ALOX12: variants seen among roughly 807,000 people sequenced by gnomAD.
The protein encoded by ALOX12 is arachidonate 12-lipoxygenase, 12S type, also known as polyunsaturated fatty acid lipoxygenase ALOX12.
A neutral mutation model predicts 85.5 loss-of-function variants in ALOX12; 62 were observed. The observed-to-expected ratio is 0.73, with a 90% confidence interval of 0.59 to 0.90. The LOEUF is 0.90. Ranked by LOEUF, ALOX12 falls within the 40% of genes least tolerant of loss-of-function variation. The probability of loss-of-function intolerance (pLI) is 0.00; values close to 1 mark genes in which losing one functional copy is unlikely to be tolerated. For missense variants in ALOX12, 751 were observed against 856.5 expected (o/e 0.88, Z 1.54); for synonymous variants, 299 against 332.7 (o/e 0.90, Z 1.10).
chr17:7,010,125 T>A lies in ALOX12; in HGVS notation c.1811T>A (p.Met604Lys). 6.2e-7 allele frequency: 1 copy of A among 1,610,068 alleles called. No individual in the cohort carries two copies. Among genetic ancestry groups the A allele is most frequent in the Admixed American group, 1.7e-5 (1 of 59,688 alleles). ...CATCTGAGTCGCCGCCAGCCAGACA[T>A]GGTGAGAGGGGACTCTCGGGAGAGG... ...SWHLSRRQPD[M>K]VPLGHHKEKY... is the part of the protein sequence containing the mutation. Residue 604 changes from methionine (M) to lysine (K), a missense_variant and splice_region_variant, in exon 13 of 14, where the codon ATG (methionine) becomes AAG (lysine). By Grantham distance (95) the Met-to-Lys change is moderately conservative. Transcript: ENST00000251535.
At chr17:7,002,997 G>A (rs140920415) in intron 8 of ALOX12, among the ~76,000 whole-genome samples, 1 of 152,056 alleles carries the variant, frequency 6.6e-6, no homozygotes, top group African/African-American at 2.4e-5. Context: ...TAGCTGTGCC[G>A]CCTCTGGAAT....
At chr17:7,002,600 C>A in intron 8 of ALOX12, 1 of 444,014 alleles carries the variant, frequency 2.3e-6, no homozygotes, top group Admixed American at 2.6e-5. Context: ...CCAGCCTGGG[C>A]AACACAGCAA....
In ALOX12 at chr17:6,996,245, G is replaced by C; in HGVS notation, c.128G>C (p.Arg43Pro). 1 of 1,240,070 alleles carries C rather than the reference G, an allele frequency of 8.1e-7. No homozygotes were observed. The highest frequency in any genetic ancestry group is 4.0e-5 in the South Asian group (1 of 24,848). 76.8% of individuals were successfully genotyped at this position (1,240,070 alleles called of 1,614,324 possible). ...AELELQLRPA[R>P]GEEEEFDHDV... ...CTGGAGCTGCAGCTGCGGCCCGCGC[G>C]GGGCGAGGTCAGCGCGGGGAGCGAG... is the stretch of plus-strand genomic sequence containing the variant. Residue 43 changes from arginine to proline, a missense_variant, in exon 1 of 14, where the codon CGG becomes CCG. Coordinates refer to ENST00000251535, the MANE Select transcript of ALOX12 (RefSeq NM_000697.3).
chr17:7,004,381 TTTAATTTAATA>T (rs1908923234), intron 8 of ALOX12, among the ~76,000 whole-genome samples: 1 of 140,014 alleles, frequency 7.1e-6, no homozygotes, highest in Non-Finnish European at 1.5e-5. Context: ...TTTAATTTAA[TTTAATTTAATA>T]TTAATTAATT....
chr17:6,996,398 G>C (rs1237229620), intron 1 of ALOX12, 146 bp downstream of exon 1: 2 of 1,011,796 alleles, frequency 2.0e-6, no homozygotes, highest in Non-Finnish European at 2.5e-6. Context: ...AAGCTGGGAC[G>C]AGGTGGGCAA....
At chr17:7,006,343 A>C in intron 10 of ALOX12, 143 bp from the exon 11 acceptor site, 1 of 1,184,140 alleles carries the variant, frequency 8.4e-7, no homozygotes, top group South Asian at 1.4e-5. Context: ...ATGAGATGCT[A>C]GTGTGTTTAG....
intron 12 of ALOX12, 30 bp from the exon 13 acceptor site, chr17:7,009,926 G>A (rs369634649): frequency 1.2e-5 from 20 of 1,613,520 alleles, no homozygotes; most frequent in Middle Eastern, 1.7e-4. Context: ...CTAAGTACCA[G>A]GGTTCTAGGG....
intron 2 of ALOX12, among the ~76,000 whole-genome samples, chr17:6,998,059 TGTA>T (rs1006158451): frequency 6.7e-6 from 1 of 148,416 alleles, no homozygotes; most frequent in African/African-American, 2.5e-5. Context: ...AAAAAGCAAA[TGTA>T]GAATCTTTTG....
chr17:7,000,618 T>G lies in ALOX12; in HGVS notation c.951+139T>G. On this transcript the variant is annotated intron_variant, in intron 7 of 13. Coordinates refer to ENST00000251535, the MANE Select transcript of ALOX12 (RefSeq NM_000697.3). The surrounding 1 kb of genome is among the most constrained non-coding windows in gnomAD (Gnocchi z 4.6). The stretch of plus-strand genomic sequence containing the variant: ...TTGTCTTCATGTCACTATTTGCCTG[T>G]ACCCTCGTCTCCCCTGCCTCATCCA... 1 of 978,014 alleles carries G rather than the reference T, an allele frequency of 1.0e-6. No individual in the cohort carries two copies. Among genetic ancestry groups the G allele is most frequent in the Non-Finnish European group, 1.5e-6 (1 of 662,970 alleles). 60.6% of individuals were successfully genotyped at this position (978,014 alleles called of 1,614,324 possible). A position where few individuals can be genotyped will look rare whatever the true frequency, so the allele number is the denominator to read the frequency against.
At chr17:7,001,860 G>T in intron 8 of ALOX12, 49 bp downstream of exon 8, 1 of 1,523,656 alleles carries the variant, frequency 6.6e-7, no homozygotes, top group South Asian at 1.1e-5. Flanking sequence ...CCAGAGAGAG[G>T]AACAGCCCCA....
intron 11 of ALOX12, among the ~76,000 whole-genome samples, chr17:7,008,236 C>T (rs1405319886): frequency 6.6e-6 from 1 of 152,160 alleles, no homozygotes; most frequent in Non-Finnish European, 1.5e-5. Context: ...TAACTTTAAC[C>T]TCCACTAACC....
chr17:6,999,101 T>C, intron 5 of ALOX12, 45 bp downstream of exon 5: 1 of 1,576,240 alleles, frequency 6.3e-7, no homozygotes, highest in Non-Finnish European at 8.7e-7. Context: ...ATGGCCCCTC[T>C]GGATGACTCA....
chr17:7,000,214 C>T lies in ALOX12; in HGVS notation c.808-122C>T, dbSNP rs765223473. 5.9e-6 allele frequency: 7 copies of T among 1,185,712 alleles called. No homozygotes were observed. The Middle Eastern group carries it at 8.8e-4, about 149-fold the overall frequency. The allele number at this position is 1,185,712 out of a possible 1,614,324, so 73.4% of individuals were successfully genotyped here. On this transcript the variant is annotated intron_variant, in intron 6 of 13. Coordinates refer to ENST00000251535, the MANE Select transcript of ALOX12 (RefSeq NM_000697.3). The surrounding 1 kb of genome is among the most constrained non-coding windows in gnomAD (Gnocchi z 4.6). Reference sequence around the variant, plus strand: ...GGACCAGGGGCTCTAGTTCTCCCAACAGGGCTCCGGTACTGATGCAGGAGA... The same window carrying T: ...GGACCAGGGGCTCTAGTTCTCCCAATAGGGCTCCGGTACTGATGCAGGAGA...
chr17:7,004,541 A>G (rs1908942404), intron 8 of ALOX12, among the ~76,000 whole-genome samples: 2 of 149,920 alleles, frequency 1.3e-5, no homozygotes, highest in Non-Finnish European at 3.0e-5. Context: ...ATAGCTAAGG[A>G]AAATATTTTA....
intron 2 of ALOX12, among the ~76,000 whole-genome samples, chr17:6,997,903 T>G (rs1732936059): frequency 6.6e-6 from 1 of 151,908 alleles, no homozygotes; most frequent in Non-Finnish European, 1.5e-5. Flanking sequence ...AAAAGAGAGA[T>G]GAATCCAGAG....
At chr17:7,004,934 G>A (rs1435744255) in intron 8 of ALOX12, among the ~76,000 whole-genome samples, 2 of 152,168 alleles carry the variant, frequency 1.3e-5, no homozygotes, top group Non-Finnish European at 2.9e-5. Flanking sequence ...TCACTTAGGT[G>A]AGCATCACCA....
intron 2 of ALOX12, among the ~76,000 whole-genome samples, chr17:6,997,511 C>G (rs531306885): frequency 6.6e-6 from 1 of 151,338 alleles, no homozygotes; most frequent in African/African-American, 2.4e-5. Context: ...AAGAAGCACA[C>G]TGGCCCGCAG....
intron 8 of ALOX12, among the ~76,000 whole-genome samples, chr17:7,002,881 T>A (rs1476026201): frequency 6.6e-6 from 1 of 152,130 alleles, no homozygotes. Flanking sequence ...TTTAGGTACA[T>A]GGAGTTTGAT....
At chr17:7,007,867 C>T (rs1437945411) in intron 11 of ALOX12, among the ~76,000 whole-genome samples, 5 of 151,914 alleles carry the variant, frequency 3.3e-5, no homozygotes, top group Admixed American at 3.3e-4. Flanking sequence ...GGCAACAGAG[C>T]GAAACTCCGT....
Sources: gnomAD v4.1 joint callset for allele counts (sites outside exome capture counted in the v4.1 genomes callset) on GRCh38, gnomAD v4.1.1 for gene constraint, Gnocchi (gnomAD v3.1) non-coding constraint, MANE v1.5 for transcripts, NCBI Gene and HGNC (gene_info 2026-07-23, HGNC 2026-07-21) for gene names.